Variants in DMD observed in about 807,000 individuals in gnomAD.
The protein encoded by DMD is dystrophin.
A neutral mutation model predicts 330.1 loss-of-function variants in DMD; 63 were observed. That is an observed-to-expected ratio of 0.19 (90% CI 0.16 to 0.24). The LOEUF is 0.24. Among genes scored for constraint, DMD ranks in the 10% least tolerant of loss-of-function variants. DMD has a pLI of 1.00. For missense variants in DMD, 3,344 were observed against 2,684.1 expected (o/e 1.25, Z -5.43); for synonymous variants, 1,223 against 959.8 (o/e 1.27, Z -5.07).
At chrX:31,771,981 C>T (rs1318238401) in intron 51 of DMD, among the ~76,000 whole-genome samples, 1 of 111,654 alleles carries the variant, frequency 9.0e-6, no homozygotes, top group Non-Finnish European at 1.9e-5. Flanking sequence ...CTTTCTCTCC[C>T]AATCTATTAT....
rs182829881 is a variant in DMD at position 32,186,355 on chromosome X, G to C, written c.6438+30561C>G. Among the ~76,000 whole-genome samples the C allele has an allele frequency of 9.9e-3, 1,091 of 110,692 alleles. 17 individuals carry two copies. The highest frequency in any genetic ancestry group is 0.034 in the African/African-American group (1,039 of 30,527). On this transcript the variant is annotated intron_variant, in intron 44 of 78. Coordinates refer to ENST00000357033, the MANE Select transcript of DMD (RefSeq NM_004006.3). ...TCAATTTTGTTAGGAAATGTAACTC[G>C]CTGTTTTATGCTTTATATATTTCAC... is the stretch of plus-strand genomic sequence containing the variant.
At chrX:32,342,911 A>T (rs954306220) in intron 40 of DMD, 7 of 455,217 alleles carry the variant, frequency 1.5e-5, no homozygotes, top group Non-Finnish European at 2.8e-5. Context: ...ACATTTCTTA[A>T]ATCACTTTAC....
chrX:32,776,806 CT>C (rs1040877778), intron 7 of DMD, among the ~76,000 whole-genome samples: 12 of 111,830 alleles, frequency 1.1e-4, no homozygotes, highest in African/African-American at 3.6e-4. Context: ...CTAAGTTTTT[CT>C]ATTTGTGACA....
At chrX:32,483,901 G>T (rs1025588413) in intron 21 of DMD, among the ~76,000 whole-genome samples, 1 of 107,985 alleles carries the variant, frequency 9.3e-6, no homozygotes, top group Admixed American at 1.0e-4. Flanking sequence ...GAAAAGCTGG[G>T]AAATGAGAAA....
chrX:32,162,622 G>A (rs998120016), intron 44 of DMD, among the ~76,000 whole-genome samples: 5 of 90,771 alleles, frequency 5.5e-5, no homozygotes, highest in South Asian at 5.5e-4. Flanking sequence ...TTTTTGAGGC[G>A]GAGTTTTGCT....
chrX:31,988,091 A>AT (rs1288301103), intron 44 of DMD, among the ~76,000 whole-genome samples: 6 of 111,676 alleles, frequency 5.4e-5, no homozygotes, highest in African/African-American at 2.0e-4. Flanking sequence ...GACTCCTGAA[A>AT]TGTTATAATG....
At chrX:32,614,564 C>A (rs2057414210) in intron 11 of DMD, 111 bp from the exon 12 acceptor site, 2 of 648,253 alleles carry the variant, frequency 3.1e-6, no homozygotes. Context: ...CATTTGGGGG[C>A]ATCTATTGGA....
chrX:32,684,376 T>C (rs1199640933), intron 9 of DMD, among the ~76,000 whole-genome samples: 4 of 111,762 alleles, frequency 3.6e-5, no homozygotes, highest in Admixed American at 2.9e-4. Context: ...GATTTCATGA[T>C]ATTGCATTAA....
intron 51 of DMD, among the ~76,000 whole-genome samples, chrX:31,767,193 T>C (rs2090056650): frequency 8.9e-6 from 1 of 111,843 alleles, no homozygotes; most frequent in Non-Finnish European, 1.9e-5. Context: ...CTTAATTAAT[T>C]TCTTAATTGG....
At chrX:32,553,505 C>A (rs1398182348) in intron 16 of DMD, among the ~76,000 whole-genome samples, 1 of 110,492 alleles carries the variant, frequency 9.1e-6, no homozygotes, top group Non-Finnish European at 1.9e-5. Flanking sequence ...ACAACAAACC[C>A]CTGTGACATG....
intron 1 of DMD, among the ~76,000 whole-genome samples, chrX:33,026,869 G>A (rs973449110): frequency 4.5e-5 from 5 of 112,088 alleles, no homozygotes; most frequent in Non-Finnish European, 9.4e-5. Context: ...TCATTTCCAA[G>A]AGAGTGACTG....
At chrX:33,103,163 A>G (rs180888948) in intron 1 of DMD, among the ~76,000 whole-genome samples, 1 of 111,945 alleles carries the variant, frequency 8.9e-6, no homozygotes, top group East Asian at 2.8e-4. Context: ...TTCTTCTAGC[A>G]TCACGATATT....
chrX:33,274,709 G>C (rs1037394192), intron 1 of DMD, among the ~76,000 whole-genome samples: 4 of 111,594 alleles, frequency 3.6e-5, no homozygotes, highest in African/African-American at 1.3e-4. Context: ...AAAATTTGGG[G>C]CTTATGATGT....
At chrX:32,796,505 T>C (rs917435367) in intron 7 of DMD, among the ~76,000 whole-genome samples, 4 of 111,351 alleles carry the variant, frequency 3.6e-5, no homozygotes, top group Non-Finnish European at 5.7e-5. Flanking sequence ...GGTACAAATA[T>C]ATAGTTGGAA....
intron 16 of DMD, among the ~76,000 whole-genome samples, chrX:32,554,939 A>AAGAGAGAG (rs1175814446): frequency 3.6e-5 from 1 of 27,605 alleles, no homozygotes; most frequent in Non-Finnish European, 5.5e-5. Context: ...GAAAGAAAGA[A>AAGAGAGAG]AGAGAGAGAG....
At chrX:33,065,513 T>A (rs1282297644) in intron 1 of DMD, among the ~76,000 whole-genome samples, 2 of 112,566 alleles carry the variant, frequency 1.8e-5, no homozygotes, top group African/African-American at 6.5e-5. Context: ...GACATTTTTG[T>A]ATCACTTAAA....
intron 43 of DMD, among the ~76,000 whole-genome samples, chrX:32,269,451 T>C (rs987290816): frequency 4.5e-5 from 5 of 112,174 alleles, no homozygotes; most frequent in African/African-American, 1.6e-4. Flanking sequence ...CTTTCATTCC[T>C]GCTCTAACAC....
intron 55 of DMD, among the ~76,000 whole-genome samples, chrX:31,583,080 A>G (rs6631346): frequency 0.026 from 2,942 of 112,256 alleles, 88 homozygotes; most frequent in East Asian, 0.13. Context: ...GCAAAAGCCC[A>G]ACCAAATAGA....
At chrX:32,219,942 A>G (rs906599604) in intron 43 of DMD, among the ~76,000 whole-genome samples, 1 of 43,365 alleles carries the variant, frequency 2.3e-5, no homozygotes, top group South Asian at 1.4e-3. Flanking sequence ...TTTCCTTTTT[A>G]CAAGTTATCT....
Sources: allele counts gnomAD v4.1 joint callset (sites outside exome capture counted in the v4.1 genomes callset), GRCh38; gene constraint gnomAD v4.1.1; transcripts MANE v1.5; gene names NCBI Gene and HGNC (gene_info 2026-07-23, HGNC 2026-07-21).